The following FKBP14 variants were observed in gnomAD, a reference collection of about 807,000 sequenced individuals.
FKBP14 encodes the protein FKBP prolyl isomerase 14.
In FKBP14, 20 loss-of-function variants were observed where a neutral mutation model predicts 21.6. The observed-to-expected ratio is 0.92, with a 90% CI of 0.65 to 1.34. The LOEUF is 1.34. Ranked by LOEUF, FKBP14 falls within the 40% of genes most tolerant of loss-of-function variation. The pLI, the probability that FKBP14 is intolerant of heterozygous loss-of-function variation, is 0.00. For synonymous variants in FKBP14, 79 were observed against 86.7 expected, an observed-to-expected ratio of 0.91 and a Z score of 0.49; for missense variants, 253 against 249.0, an observed-to-expected ratio of 1.02 and a Z score of -0.11.
In FKBP14 at chr7:30,026,518, G is replaced by A. The variant is rs1225361365; in HGVS notation, c.-10C>T. ...ACAAGAAAAGCCTCATGTTGCTGAA[G>A]CAAGGAAAGAAGTCCCTACAAAAGC... On this transcript the variant is annotated 5_prime_UTR_variant, in exon 1 of 4. Transcript: ENST00000222803. 2.5e-6 allele frequency: 4 copies of A among 1,602,238 alleles called. No homozygotes were observed. In the South Asian group the frequency reaches 4.4e-5, roughly 18 times the overall value.
chr7:30,022,931 GC>G, intron 1 of FKBP14, 115 bp from the exon 2 acceptor site: 2 of 921,376 alleles, frequency 2.2e-6, no homozygotes, highest in Non-Finnish European at 3.2e-6. Flanking sequence ...TATAAATACA[GC>G]AATTCTGTAT....
chr7:30,019,415 G>A (rs1789973688), intron 2 of FKBP14, among the ~76,000 whole-genome samples: 1 of 151,944 alleles, frequency 6.6e-6, no homozygotes, highest in South Asian at 2.1e-4. Flanking sequence ...AATGGCTTAG[G>A]TATTACATTT....
At position 30,017,346 on chromosome 7, in the gene FKBP14, G is replaced by A. The variant is rs1208488416; in HGVS notation, c.477+1650C>T. On this transcript the variant is annotated intron_variant, in intron 3 of 3. Coordinates refer to ENST00000222803, the MANE Select transcript of FKBP14 (RefSeq NM_017946.4). ...AGCACTTTGGGAGGCCAAGGCAGGC[G>A]GATCACAAAGTCAGGAGCTTGAAAC... Among the ~76,000 whole-genome samples the A allele has an allele frequency of 4.6e-5, 7 of 151,758 alleles. No homozygotes were observed. In the South Asian group the frequency reaches 8.3e-4, roughly 18 times the overall value.
chr7:30,006,212 C>A (rs554782530), downstream of FKBP14, among the ~76,000 whole-genome samples: 8 of 150,794 alleles, frequency 5.3e-5, no homozygotes, highest in African/African-American at 2.0e-4. Context: ...GCTTCAGACT[C>A]CTGGGCTCAA....
At chr7:30,007,989 C>T (rs1789645370), downstream of FKBP14, among the ~76,000 whole-genome samples, 2 of 152,164 alleles carry the variant, frequency 1.3e-5, no homozygotes, top group Admixed American at 1.3e-4. Context: ...GCAGAGGTTG[C>T]AGTGAGCTGA....
chr7:30,021,076 A>G (rs34898065), intron 2 of FKBP14, among the ~76,000 whole-genome samples: 27,418 of 152,148 alleles, frequency 0.18, 2,610 homozygotes, highest in African/African-American at 0.24. Context: ...ATATCAGAGT[A>G]GTTGTCTGTC....
chr7:30,025,361 T>C (rs1467456868), intron 1 of FKBP14: 1 of 152,228 alleles, frequency 6.6e-6, no homozygotes, highest in African/African-American at 2.4e-5. Context: ...CATTGCATTA[T>C]TTACTTGTCT....
chr7:30,015,559 G>A (rs768801209), intron 3 of FKBP14, among the ~76,000 whole-genome samples: 1 of 151,280 alleles, frequency 6.6e-6, no homozygotes, highest in Non-Finnish European at 1.5e-5. Context: ...TACCCAATGA[G>A]AGCATACTAC....
In FKBP14 at chr7:30,014,185, G is replaced by C. The variant is rs183479206; in HGVS notation, c.*550C>G. 9 of 152,272 alleles carry C rather than the reference G, an allele frequency of 5.9e-5. No individual in the cohort carries two copies. The East Asian group carries it at 1.7e-3, about 29-fold the overall frequency. 9.4% of individuals were successfully genotyped at this position (152,272 alleles called of 1,614,324 possible). A position where few individuals can be genotyped will look rare whatever the true frequency, so the allele number is the denominator to read the frequency against. On this transcript the variant is annotated 3_prime_UTR_variant, in exon 4 of 4. Transcript: ENST00000222803. ...GCTATTAACCTTGTTTCTAACTTCA[G>C]CATTGCACATCTCCTTAGTAAAGCA...
intron 3 of FKBP14, among the ~76,000 whole-genome samples, chr7:30,016,456 C>T (rs185845610): frequency 5.1e-4 from 78 of 151,970 alleles, no homozygotes; most frequent in African/African-American, 1.7e-3. Flanking sequence ...TATAGTGGCA[C>T]GATCTCGGCC....
rs1789724659 is a variant in FKBP14 at position 30,011,495 on chromosome 7, GCC to G, written c.*3238_*3239del. The G allele has an allele frequency of 6.9e-6, 1 of 144,702 alleles. No homozygotes were observed. Among genetic ancestry groups the G allele is most frequent in the Non-Finnish European group, 1.5e-5 (1 of 67,006 alleles). The allele number at this position is 144,702 out of a possible 1,614,324, so 9.0% of individuals were successfully genotyped here. On this transcript the variant is annotated 3_prime_UTR_variant, in exon 4 of 4. Transcript: ENST00000222803. ...AGTTCTGTAAGCTCCGTTAGTAAGT[GCC>G]CTATACAGGTATACCATATATATAT...
At chr7:30,018,519 C>A (rs1283347042) in intron 3 of FKBP14, among the ~76,000 whole-genome samples, 1 of 152,168 alleles carries the variant, frequency 6.6e-6, no homozygotes, top group Non-Finnish European at 1.5e-5. Context: ...GCAACCTGAA[C>A]AAAACAGAGC....
At chr7:30,023,644 A>G (rs763431284) in intron 1 of FKBP14, among the ~76,000 whole-genome samples, 11 of 152,202 alleles carry the variant, frequency 7.2e-5, no homozygotes, top group Admixed American at 1.3e-4. Context: ...ACTTATAAAG[A>G]AAAGGAGGTT....
chr7:30,020,244 G>A lies in FKBP14; in HGVS notation c.350-1121C>T, dbSNP rs560655581. 6.1e-4 allele frequency: 776 copies of A among 1,270,620 alleles called. 2 individuals carry two copies. The highest frequency in any genetic ancestry group is 7.5e-4 in the Non-Finnish European group (732 of 974,078). 78.7% of individuals were successfully genotyped at this position (1,270,620 alleles called of 1,614,324 possible). ...AGATCTAGACAGAGATGTGACATGC[G>A]CTAGGTTGTTGATAAAACTGGTATC... On this transcript the variant is annotated intron_variant, in intron 2 of 3. Coordinates refer to ENST00000222803, the MANE Select transcript of FKBP14 (RefSeq NM_017946.4).
rs1347395907 is a variant in FKBP14 at position 30,014,789 on chromosome 7, G to A, written c.582C>T (p.Asp194=). 2 of 1,610,964 alleles carry A rather than the reference G, an allele frequency of 1.2e-6. No homozygotes were observed. Among genetic ancestry groups the A allele is most frequent in the Non-Finnish European group, 8.5e-7 (1 of 1,179,002 alleles). ...CTCTGGCAGATATAAACCCATCTTT[G>A]TCTTCATCTTCTTTATCAAAAATAT... ...VEDIFDKEDE[D]KDGFISAREF... The change falls in exon 4 of 4, where the codon GAC becomes GAT. Residue 194 remains aspartate (D), a synonymous_variant. Coordinates refer to ENST00000222803, the MANE Select transcript of FKBP14 (RefSeq NM_017946.4).
At chr7:30,007,215 T>G (rs1413129089), downstream of FKBP14, among the ~76,000 whole-genome samples, 1 of 150,724 alleles carries the variant, frequency 6.6e-6, no homozygotes, top group Non-Finnish European at 1.5e-5. Context: ...TCCTTTGTTT[T>G]TTTTTTTTTT....
chr7:30,009,120 C>T (rs1325146246), downstream of FKBP14, among the ~76,000 whole-genome samples: 3 of 152,098 alleles, frequency 2.0e-5, no homozygotes, highest in Non-Finnish European at 2.9e-5. Context: ...ATTCTTATGT[C>T]CAAGTGCTCT....
chr7:30,015,099 A>C (rs1789846366), intron 3 of FKBP14, among the ~76,000 whole-genome samples: 1 of 152,196 alleles, frequency 6.6e-6, no homozygotes, highest in South Asian at 2.1e-4. Context: ...CTAAACTGCT[A>C]AAGTGGAGAC....
rs1443743079 is a variant in FKBP14 at position 30,012,440 on chromosome 7, A to G, written c.*2295T>C. The G allele has an allele frequency of 1.3e-5, 2 of 152,204 alleles. No individual in the cohort carries two copies. Among genetic ancestry groups the G allele is most frequent in the Non-Finnish European group, 2.9e-5 (2 of 68,036 alleles). The allele number at this position is 152,204 out of a possible 1,614,324, so 9.4% of individuals were successfully genotyped here. ...ACAAACTACTTTCCCTTCTCCCATC[A>G]TAGAGTATAAGGCTGTCTGTATTAT... is the stretch of plus-strand genomic sequence containing the variant. On this transcript the variant is annotated 3_prime_UTR_variant, in exon 4 of 4. Transcript: ENST00000222803.
Sources: gnomAD v4.1 joint callset for allele counts (sites outside exome capture counted in the v4.1 genomes callset) on GRCh38, gnomAD v4.1.1 for gene constraint, MANE v1.5 for transcripts, NCBI Gene and HGNC (gene_info 2026-07-23, HGNC 2026-07-21) for gene names.